Variants in MTA3 observed in about 807,000 individuals in gnomAD.
MTA3 encodes the protein metastasis associated 1 family member 3.
MTA3 carries 34 observed loss-of-function variants against 83.5 expected under a neutral mutation model. That is an observed-to-expected ratio of 0.41 (90% CI 0.31 to 0.54). The LOEUF is 0.54. Ranked by LOEUF, MTA3 falls within the 20% of genes least tolerant of loss-of-function variation. The pLI is 0.33. For missense variants in MTA3, 761 were observed against 726.4 expected, an observed-to-expected ratio of 1.05 and a Z score of -0.55; for synonymous variants, 303 against 252.7, an observed-to-expected ratio of 1.20 and a Z score of -1.89.
chr2:42,549,673 T>C (rs1486619055), intron 2 of MTA3, among the ~76,000 whole-genome samples: 2 of 130,246 alleles, frequency 1.5e-5, no homozygotes, highest in Non-Finnish European at 3.1e-5. Flanking sequence ...TATACATATA[T>C]AATATATAAT....
At chr2:42,513,942 G>A (rs1032097305) in intron 2 of MTA3, among the ~76,000 whole-genome samples, 4 of 152,132 alleles carry the variant, frequency 2.6e-5, no homozygotes, top group East Asian at 1.9e-4. Context: ...GGCCAGGCAC[G>A]GTGGCTCATG....
At position 42,628,206 on chromosome 2, in the gene MTA3, TTTTATTTATTTA is replaced by T. The variant is rs144338385; in HGVS notation, c.318-11939_318-11928del. On this transcript the variant is annotated intron_variant, in intron 4 of 16. Coordinates refer to ENST00000405094, the MANE Select transcript of MTA3 (RefSeq NM_001330442.2). ...GGTTCTTTTAATTTTCTTCTTATCG[TTTTATTTATTTA>T]TTTATTTATTTATTTATTTATTTAT... 4.2e-3 allele frequency among the ~76,000 whole-genome samples: 602 copies of T among 142,590 alleles called. 2 individuals are homozygous for T. Among genetic ancestry groups the T allele is most frequent in the African/African-American group, 0.013 (489 of 38,378 alleles). 93.5% of individuals were successfully genotyped at this position (142,590 alleles called of 152,430 possible).
intron 2 of MTA3, among the ~76,000 whole-genome samples, chr2:42,571,386 CAAAA>C (rs34003791): frequency 4.7e-5 from 3 of 63,802 alleles, no homozygotes; most frequent in Admixed American, 1.9e-4. Flanking sequence ...AACACTGTCT[CAAAA>C]AAAAAAAAAA....
At chr2:42,616,854 G>A (rs572380074) in intron 4 of MTA3, among the ~76,000 whole-genome samples, 2 of 152,054 alleles carry the variant, frequency 1.3e-5, no homozygotes, top group South Asian at 4.1e-4. Context: ...CAAAGTGTTG[G>A]GATTACAGGC....
upstream of MTA3, among the ~76,000 whole-genome samples, chr2:42,563,776 ATTCCTTCCTTCCTTCC>A (rs374517534): frequency 2.4e-3 from 278 of 114,458 alleles, 1 homozygote; most frequent in African/African-American, 6.7e-3. Context: ...TGGACCAAAC[ATTCCTTCCTTCCTTCC>A]TTCCTTCCTT....
rs192059182 is a variant in MTA3, at chr2:42,700,019, G to A, written c.1025+2185G>A. Among the ~76,000 whole-genome samples the A allele has an allele frequency of 4.6e-4, 70 of 152,192 alleles. 1 individual carries two copies. Among genetic ancestry groups the A allele is most frequent in the South Asian group, 8.3e-4 (4 of 4,822 alleles). On this transcript the variant is annotated intron_variant, in intron 11 of 16. Transcript: ENST00000405094. ...GTATGGTATCACAGAAGCTAAGAGA[G>A]GAGTGTGTTTCAGGGAGGGGGAGAG...
intron 2 of MTA3, among the ~76,000 whole-genome samples, chr2:42,498,500 A>T (rs1251984425): frequency 1.3e-5 from 2 of 152,248 alleles, no homozygotes; most frequent in Non-Finnish European, 2.9e-5. Context: ...GGCCTGTATC[A>T]TACATAGTCA....
At chr2:42,672,786 A>G (rs984556930) in intron 8 of MTA3, among the ~76,000 whole-genome samples, 1 of 150,788 alleles carries the variant, frequency 6.6e-6, no homozygotes. Context: ...GGGTTTTGTT[A>G]TATCTATGCA....
chr2:42,570,728 T>C (rs943425688), intron 2 of MTA3, among the ~76,000 whole-genome samples: 2 of 151,820 alleles, frequency 1.3e-5, no homozygotes, highest in Non-Finnish European at 2.9e-5. Context: ...AGTAAAAATA[T>C]GGCTGGGTGC....
At chr2:42,617,784 TAAAA>T (rs36088935) in intron 4 of MTA3, among the ~76,000 whole-genome samples, 1 of 146,162 alleles carries the variant, frequency 6.8e-6, no homozygotes, top group Non-Finnish European at 1.5e-5. Context: ...CTCTAAAAAA[TAAAA>T]AAAAAAATGC....
chr2:42,550,934 C>G (rs919037210), intron 2 of MTA3, among the ~76,000 whole-genome samples: 1 of 151,672 alleles, frequency 6.6e-6, no homozygotes, highest in Non-Finnish European at 1.5e-5. Flanking sequence ...CCCAGCTACC[C>G]CAACTACTTG....
intron 16 of MTA3, among the ~76,000 whole-genome samples, chr2:42,733,629 C>T (rs1668394718): frequency 6.6e-6 from 1 of 152,142 alleles, no homozygotes. Flanking sequence ...ACTGGTCATT[C>T]AGGAGCATAT....
intron 2 of MTA3, among the ~76,000 whole-genome samples, chr2:42,537,692 A>G (rs929338123): frequency 6.6e-6 from 1 of 152,246 alleles, no homozygotes; most frequent in Admixed American, 6.5e-5. Context: ...TTGCGTAATC[A>G]TTTATTGATC....
chr2:42,591,607 A>G (rs1681004902), intron 3 of MTA3, among the ~76,000 whole-genome samples: 1 of 151,258 alleles, frequency 6.6e-6, no homozygotes, highest in Non-Finnish European at 1.5e-5. Flanking sequence ...CTTTCATCAT[A>G]TATCCTTATT....
chr2:42,623,561 C>G (rs1405968818), intron 4 of MTA3, among the ~76,000 whole-genome samples: 1 of 152,092 alleles, frequency 6.6e-6, no homozygotes, highest in Non-Finnish European at 1.5e-5. Flanking sequence ...CTTCCCTTTT[C>G]CTTCTCTTTC....
chr2:42,655,477 G>T (rs183888362), intron 6 of MTA3, among the ~76,000 whole-genome samples: 1 of 152,184 alleles, frequency 6.6e-6, no homozygotes, highest in East Asian at 1.9e-4. Flanking sequence ...TTCTTACCTA[G>T]CTTGAAATGA....
At chr2:42,640,488 T>C (rs995442645) in intron 5 of MTA3, among the ~76,000 whole-genome samples, 4 of 152,232 alleles carry the variant, frequency 2.6e-5, no homozygotes, top group African/African-American at 9.6e-5. Flanking sequence ...TACATGGATT[T>C]AGTTGATAGT....
At chr2:42,597,074 AT>A (rs111756204) in intron 3 of MTA3, among the ~76,000 whole-genome samples, 5 of 147,932 alleles carry the variant, frequency 3.4e-5, no homozygotes, top group African/African-American at 5.0e-5. Context: ...CCGGTGAATA[AT>A]TTTTTTTTTG....
chr2:42,649,819 G>A (rs1384956479), intron 6 of MTA3, among the ~76,000 whole-genome samples: 1 of 152,116 alleles, frequency 6.6e-6, no homozygotes, highest in African/African-American at 2.4e-5. Context: ...TTCTGCATTC[G>A]ATTTTTAATT....
Sources: gnomAD v4.1 joint callset for allele counts (sites outside exome capture counted in the v4.1 genomes callset) on GRCh38, gnomAD v4.1.1 for gene constraint, MANE v1.5 for transcripts, NCBI Gene and HGNC (gene_info 2026-07-23, HGNC 2026-07-21) for gene names.